BCAS4: variants seen among roughly 807,000 people sequenced by gnomAD.
BCAS4 encodes the protein breast carcinoma amplified sequence 4.
In BCAS4, 9 loss-of-function variants were observed where a neutral mutation model predicts 15.7. That is an observed-to-expected ratio of 0.57 (90% CI 0.34 to 1.00). The LOEUF is 1.00. Among genes scored for constraint, BCAS4 ranks in the 50% least tolerant of loss-of-function variants. The pLI, the probability that BCAS4 is intolerant of heterozygous loss-of-function variation, is 0.02. For synonymous variants in BCAS4, 101 were observed against 99.5 expected (o/e 1.02, Z -0.09); for missense variants, 225 against 239.1 (o/e 0.94, Z 0.39).
intron 4 of BCAS4, among the ~76,000 whole-genome samples, chr20:50,871,465 C>T (rs1055641289): frequency 2.0e-5 from 3 of 152,218 alleles, no homozygotes; most frequent in Non-Finnish European, 4.4e-5. Flanking sequence ...CTGATTCAGG[C>T]GGCTGGTTTC....
chr20:50,830,902 A>G (rs529801145), intron 3 of BCAS4, among the ~76,000 whole-genome samples: 1 of 152,256 alleles, frequency 6.6e-6, no homozygotes, highest in South Asian at 2.1e-4. Context: ...GGTACTTTAT[A>G]TAAAAATCTG....
At chr20:50,858,879 A>AC (rs1192669843) in intron 4 of BCAS4, among the ~76,000 whole-genome samples, 1 of 151,200 alleles carries the variant, frequency 6.6e-6, no homozygotes, top group Non-Finnish European at 1.5e-5. Flanking sequence ...GGGATGTGCC[A>AC]CCACGCCTGG....
intron 1 of BCAS4, 31 bp downstream of exon 1, chr20:50,795,204 A>G: frequency 1.5e-6 from 2 of 1,354,570 alleles, no homozygotes; most frequent in East Asian, 3.1e-5. Flanking sequence ...GTTGGAGGAG[A>G]GGGTTCTCGC....
intron 4 of BCAS4, among the ~76,000 whole-genome samples, chr20:50,875,157 C>G (rs1035249790): frequency 6.6e-6 from 1 of 152,220 alleles, no homozygotes; most frequent in Non-Finnish European, 1.5e-5. Flanking sequence ...ATCTGACCCC[C>G]TGGCGTGGGC....
chr20:50,819,241 G>A (rs1266726278), intron 2 of BCAS4, among the ~76,000 whole-genome samples: 4 of 152,046 alleles, frequency 2.6e-5, no homozygotes, highest in Admixed American at 1.3e-4. Flanking sequence ...TAGGATTGCT[G>A]CCAGCCAGGT....
At chr20:50,831,210 A>T (rs536324326) in intron 3 of BCAS4, among the ~76,000 whole-genome samples, 1 of 152,114 alleles carries the variant, frequency 6.6e-6, no homozygotes, top group South Asian at 2.1e-4. Context: ...GGGTGGATCA[A>T]TGGAGGCCAA....
At chr20:50,864,556 A>C (rs886979066) in intron 4 of BCAS4, among the ~76,000 whole-genome samples, 14 of 150,056 alleles carry the variant, frequency 9.3e-5, no homozygotes, top group Non-Finnish European at 1.8e-4. Flanking sequence ...CTCCTGCCTC[A>C]GCCTCCTGGG....
At chr20:50,875,525 G>A (rs1979880344) in intron 4 of BCAS4, among the ~76,000 whole-genome samples, 1 of 151,168 alleles carries the variant, frequency 6.6e-6, no homozygotes, top group South Asian at 2.1e-4. Flanking sequence ...AGCACTTTGG[G>A]AGGCCGAGGC....
chr20:50,847,348 A>C (rs777497422), intron 4 of BCAS4, among the ~76,000 whole-genome samples: 13 of 152,096 alleles, frequency 8.5e-5, no homozygotes, highest in Admixed American at 3.9e-4. Context: ...CGGCCTCCCA[A>C]AGTGTCGGGA....
At chr20:50,862,825 C>G (rs529708450) in intron 4 of BCAS4, among the ~76,000 whole-genome samples, 2 of 152,096 alleles carry the variant, frequency 1.3e-5, no homozygotes, top group East Asian at 3.9e-4. Flanking sequence ...TCGTTTTGCA[C>G]TCAGGGCTTT....
At chr20:50,818,751 T>TCCTTC (rs1354171092) in intron 2 of BCAS4, among the ~76,000 whole-genome samples, 1 of 152,222 alleles carries the variant, frequency 6.6e-6, no homozygotes, top group Non-Finnish European at 1.5e-5. Flanking sequence ...GGCATCGAGT[T>TCCTTC]CCTTCCTGAA....
intron 2 of BCAS4, among the ~76,000 whole-genome samples, chr20:50,822,709 C>T (rs1419805696): frequency 1.3e-5 from 2 of 151,182 alleles, no homozygotes; most frequent in Non-Finnish European, 2.9e-5. Flanking sequence ...TATCTCAGCT[C>T]ATTGCAACCT....
intron 3 of BCAS4, 51 bp from the exon 4 acceptor site, chr20:50,841,715 T>C: frequency 6.2e-7 from 1 of 1,612,440 alleles, no homozygotes; most frequent in Non-Finnish European, 8.5e-7. Flanking sequence ...TGGCCAGGAA[T>C]GGGCTCCAGC....
intron 4 of BCAS4, among the ~76,000 whole-genome samples, chr20:50,872,188 C>T (rs1979677607): frequency 6.1e-5 from 9 of 146,940 alleles, no homozygotes; most frequent in Admixed American, 5.5e-4. Flanking sequence ...CGCTTGAACC[C>T]GGAAGGCAGA....
At chr20:50,856,832 A>G (rs1386215102) in intron 4 of BCAS4, among the ~76,000 whole-genome samples, 1 of 152,198 alleles carries the variant, frequency 6.6e-6, no homozygotes, top group East Asian at 1.9e-4. Context: ...ACTGTGTGCC[A>G]GGCCCTCTGA....
intron 1 of BCAS4, among the ~76,000 whole-genome samples, chr20:50,795,582 G>A (rs185600142): frequency 3.3e-5 from 5 of 151,474 alleles, no homozygotes; most frequent in Non-Finnish European, 7.4e-5. Flanking sequence ...AGCTCGGAGC[G>A]AAAACACCAC....
intron 2 of BCAS4, among the ~76,000 whole-genome samples, chr20:50,818,698 T>G (rs2088173019): frequency 6.6e-6 from 1 of 152,240 alleles, no homozygotes; most frequent in Admixed American, 6.5e-5. Context: ...CTGCGAGGCC[T>G]AGGAGGAGCC....
intron 4 of BCAS4, among the ~76,000 whole-genome samples, chr20:50,871,198 G>A (rs546621943): frequency 6.6e-6 from 1 of 152,324 alleles, no homozygotes; most frequent in Non-Finnish European, 1.5e-5. Context: ...TGGTCTTGGA[G>A]CTGGACAGGC....
At position 50,796,452 on chromosome 20, in the gene BCAS4, CATATATATATATAT is replaced by C. The variant is rs1245993218; in HGVS notation, c.90+1302_90+1315del. On this transcript the variant is annotated intron_variant, in intron 1 of 4. Transcript: ENST00000371608. ...TCTCTTTTTTCTTTTTCTTTTTCTCCATATATATATATATATATATATATATATATATATATTTT... is the reference window on the plus strand; with the variant it reads ...TCTCTTTTTTCTTTTTCTTTTTCTCCATATATATATATATATATATATTTT... Among the ~76,000 whole-genome samples the C allele has an allele frequency of 4.6e-3, 98 of 21,150 alleles. 3 individuals are homozygous for C. The highest frequency in any genetic ancestry group is 0.016 in the African/African-American group (78 of 4,984). The allele number at this position is 21,150 out of a possible 152,430, so 13.9% of individuals were successfully genotyped here.
Sources: allele counts gnomAD v4.1 joint callset (sites outside exome capture counted in the v4.1 genomes callset), GRCh38; gene constraint gnomAD v4.1.1; transcripts MANE v1.5; gene names NCBI Gene and HGNC (gene_info 2026-07-23, HGNC 2026-07-21).